The following PDE10A variants were observed in gnomAD, a reference collection of about 807,000 sequenced individuals.
PDE10A encodes cAMP and cAMP-inhibited cGMP 3',5'-cyclic phosphodiesterase 10A.
In PDE10A, 39 loss-of-function variants were observed where a neutral mutation model predicts 97.7. The observed-to-expected ratio is 0.40, with a 90% CI of 0.31 to 0.52. PDE10A has a LOEUF of 0.52. Ranked by LOEUF, PDE10A falls within the 20% of genes least tolerant of loss-of-function variation. PDE10A has a pLI of 0.56. For synonymous variants in PDE10A, 371 were observed against 376.8 expected (o/e 0.98, Z 0.18); for missense variants, 731 against 1,047.8 (o/e 0.70, Z 4.17).
At chr6:165,821,341 A>G (rs1368289654) in intron 1 of PDE10A, among the ~76,000 whole-genome samples, 1 of 152,164 alleles carries the variant, frequency 6.6e-6, no homozygotes, top group African/African-American at 2.4e-5. Flanking sequence ...TCAGAACAAA[A>G]ACTGAAAATC....
chr6:165,637,358 C>T (rs1457978732), intron 1 of PDE10A, among the ~76,000 whole-genome samples: 1 of 152,132 alleles, frequency 6.6e-6, no homozygotes, highest in Non-Finnish European at 1.5e-5. Context: ...TGTCACCGCA[C>T]ACATGTCCTG....
In PDE10A at chr6:165,791,809, G is replaced by C. The variant is rs145523220; in HGVS notation, c.-615+195720C>G. 2.0e-5 allele frequency among the ~76,000 whole-genome samples: 3 copies of C among 152,308 alleles called. No individual in the cohort carries two copies. In the East Asian group the frequency reaches 5.8e-4, roughly 29 times the overall value. On this transcript the variant is annotated intron_variant, in intron 1 of 19. Coordinates refer to the PDE10A transcript ENST00000366882. ...GAAAAGCGTTTCTTGGGCTTTGCTA[G>C]CTTGTAGGGACAGCGTGAGAAGAAT...
At chr6:165,553,181 C>T (rs954613431) in intron 1 of PDE10A, among the ~76,000 whole-genome samples, 17 of 152,054 alleles carry the variant, frequency 1.1e-4, no homozygotes, top group African/African-American at 4.1e-4. Context: ...TCTTTCTAAC[C>T]ACTTACTGAT....
In PDE10A at chr6:165,438,738, G is replaced by A. The variant is rs191111987; in HGVS notation, c.1195-3361C>T. On this transcript the variant is annotated intron_variant, in intron 5 of 21. Transcript: ENST00000539869. ...TTTTGGAGGCTGTGGCAGGAGGACA[G>A]CTTGAAACCAGGAGTTCAAGATCAG... Among the ~76,000 whole-genome samples the A allele has an allele frequency of 1.3e-4, 20 of 152,134 alleles. No homozygotes were observed. The East Asian group carries it at 3.1e-3, about 24-fold the overall frequency.
In PDE10A at chr6:165,408,745, A is replaced by G. The variant is rs540620064; in HGVS notation, c.2076+4756T>C. On this transcript the variant is annotated intron_variant, in intron 13 of 21. Transcript: ENST00000539869. Reference sequence around the variant, plus strand: ...CCAGTCTTCATCAGACTGGAAGGCCAGGGAGAAGAGGGAAGAAGGAATCAT... The same window carrying G: ...CCAGTCTTCATCAGACTGGAAGGCCGGGGAGAAGAGGGAAGAAGGAATCAT... 2.0e-5 allele frequency among the ~76,000 whole-genome samples: 3 copies of G among 152,312 alleles called. No homozygotes were observed. In the South Asian group the frequency reaches 6.2e-4, roughly 32 times the overall value.
At chr6:165,652,415 G>C (rs1020494755) in intron 1 of PDE10A, among the ~76,000 whole-genome samples, 2 of 151,548 alleles carry the variant, frequency 1.3e-5, no homozygotes, top group African/African-American at 4.9e-5. Flanking sequence ...TAGAACTCCC[G>C]GGCTCAAGCA....
chr6:165,478,331 A>G (rs781619345), intron 3 of PDE10A, among the ~76,000 whole-genome samples: 2 of 152,104 alleles, frequency 1.3e-5, no homozygotes, highest in African/African-American at 4.8e-5. Context: ...ACATTCCCCA[A>G]CTGACTGAAA....
intron 1 of PDE10A, among the ~76,000 whole-genome samples, chr6:165,961,011 C>T (rs781487170): frequency 7.2e-5 from 11 of 151,970 alleles, no homozygotes; most frequent in Non-Finnish European, 1.2e-4. Flanking sequence ...CATAAGGGGA[C>T]CTGGGCTGGG....
At chr6:165,924,412 T>C (rs1384371330) in intron 1 of PDE10A, among the ~76,000 whole-genome samples, 1 of 152,122 alleles carries the variant, frequency 6.6e-6, no homozygotes, top group African/African-American at 2.4e-5. Flanking sequence ...GTTCATGGTT[T>C]CCATGTTGGA....
rs527759036 is a variant in PDE10A at position 165,332,216 on chromosome 6, A to G, written c.*809T>C. On this transcript the variant is annotated 3_prime_UTR_variant, in exon 22 of 22. Coordinates refer to ENST00000539869, the MANE Select transcript of PDE10A (RefSeq NM_001385079.1). ...ATGCCGAGCTTTTATTTTGTTCTTT[A>G]TGCAAAGGGTTCAGTAAAACTGCCA... The G allele has an allele frequency of 2.0e-5, 3 of 152,296 alleles. No homozygotes were observed. The highest frequency in any genetic ancestry group is 6.5e-5 in the Admixed American group (1 of 15,296). 9.4% of individuals were successfully genotyped at this position (152,296 alleles called of 1,614,324 possible). A position where few individuals can be genotyped will look rare whatever the true frequency, so the allele number is the denominator to read the frequency against.
intron 1 of PDE10A, among the ~76,000 whole-genome samples, chr6:165,627,687 G>A (rs1044092404): frequency 1.3e-5 from 2 of 152,128 alleles, no homozygotes; most frequent in African/African-American, 2.4e-5. Flanking sequence ...GTTTACAAAC[G>A]GCAGGGATTT....
At chr6:165,728,076 C>G (rs545737310) in intron 1 of PDE10A, among the ~76,000 whole-genome samples, 4 of 152,096 alleles carry the variant, frequency 2.6e-5, no homozygotes, top group Non-Finnish European at 5.9e-5. Flanking sequence ...ACATACACAC[C>G]CTTTTCAGAC....
At chr6:165,984,303 T>G (rs1326945094) in intron 1 of PDE10A, among the ~76,000 whole-genome samples, 1 of 152,252 alleles carries the variant, frequency 6.6e-6, no homozygotes, top group East Asian at 1.9e-4. Flanking sequence ...GGGAATTACT[T>G]GCTACTGGTA....
intron 16 of PDE10A, among the ~76,000 whole-genome samples, chr6:165,389,139 G>A (rs983471989): frequency 1.3e-5 from 2 of 152,140 alleles, no homozygotes; most frequent in African/African-American, 4.8e-5. Context: ...GGATCAGGAC[G>A]GTGGCCAGTG....
intron 1 of PDE10A, among the ~76,000 whole-genome samples, chr6:165,578,609 T>A (rs1477825102): frequency 3.3e-5 from 5 of 152,030 alleles, no homozygotes; most frequent in African/African-American, 4.8e-5. Context: ...AAGACTTCCA[T>A]AAAACCCACA....
At chr6:165,815,631 G>A (rs929678267) in intron 1 of PDE10A, among the ~76,000 whole-genome samples, 1 of 152,136 alleles carries the variant, frequency 6.6e-6, no homozygotes, top group East Asian at 1.9e-4. Flanking sequence ...CCTGAAAGAC[G>A]GTGCTGAGGT....
At chr6:165,667,461 T>A (rs896236491), upstream of PDE10A, among the ~76,000 whole-genome samples, 1 of 152,176 alleles carries the variant, frequency 6.6e-6, no homozygotes, top group African/African-American at 2.4e-5. Context: ...ATATCATTAT[T>A]TATTTAATAA....
At chr6:165,586,045 A>G (rs547268025) in intron 1 of PDE10A, among the ~76,000 whole-genome samples, 1 of 152,270 alleles carries the variant, frequency 6.6e-6, no homozygotes, top group African/African-American at 2.4e-5. Flanking sequence ...ATAGTCAATC[A>G]CTAATCAATC....
intron 1 of PDE10A, among the ~76,000 whole-genome samples, chr6:165,823,017 A>G (rs571208595): frequency 6.6e-6 from 1 of 151,986 alleles, no homozygotes; most frequent in Admixed American, 6.6e-5. Context: ...TATTTTTAGT[A>G]GAGATGGGGT....
Sources: gnomAD v4.1 joint callset for allele counts (sites outside exome capture counted in the v4.1 genomes callset) on GRCh38, gnomAD v4.1.1 for gene constraint, MANE v1.5 for transcripts, NCBI Gene and HGNC (gene_info 2026-07-23, HGNC 2026-07-21) for gene names.